The following C10orf90 variants were observed in gnomAD, a reference collection of about 807,000 sequenced individuals.
C10orf90 encodes chromosome 10 open reading frame 90.
In C10orf90, 56 loss-of-function variants were observed where a neutral mutation model predicts 62.5. The ratio of observed to expected loss-of-function variants is 0.90; its 90% CI spans 0.72 to 1.12. The LOEUF is 1.12. Ranked by LOEUF, C10orf90 falls within the 50% of genes most tolerant of loss-of-function variation. The pLI is 0.00. For synonymous variants in C10orf90, 386 were observed against 340.4 expected (o/e 1.13, Z -1.47); for missense variants, 970 against 880.4 (o/e 1.10, Z -1.29).
chr10:126,513,949 A>G lies in C10orf90; in HGVS notation c.314-10T>C. 1 of 1,585,446 alleles carries G rather than the reference A, an allele frequency of 6.3e-7. No homozygotes were observed. The highest frequency in any genetic ancestry group is 2.2e-5 in the East Asian group (1 of 44,678). On this transcript the variant is annotated splice_polypyrimidine_tract_variant and intron_variant, in intron 2 of 9. Transcript: ENST00000488181. ...TAGCTGTCCCGTAATCCTAGGCAAA[A>G]GAAGATAATATTGCTACTTTTTAGT...
intron 1 of C10orf90, among the ~76,000 whole-genome samples, chr10:126,646,912 C>A (rs1003161612): frequency 6.6e-6 from 1 of 152,162 alleles, no homozygotes; most frequent in South Asian, 2.1e-4. Context: ...ATTGATTTTG[C>A]CGTGGATTTG....
chr10:126,578,450 C>T (rs751312604), intron 2 of C10orf90, among the ~76,000 whole-genome samples: 38 of 152,156 alleles, frequency 2.5e-4, no homozygotes, highest in Non-Finnish European at 4.4e-4. Context: ...ACACACCCAT[C>T]AGGATGGCTA....
intron 7 of C10orf90, among the ~76,000 whole-genome samples, chr10:126,432,528 A>C (rs1043422290): frequency 2.0e-5 from 3 of 152,222 alleles, no homozygotes; most frequent in Non-Finnish European, 4.4e-5. Context: ...AAATGCCACC[A>C]TGTGTCAAAG....
intron 2 of C10orf90, among the ~76,000 whole-genome samples, chr10:126,562,360 C>T (rs1018003595): frequency 6.6e-6 from 1 of 152,190 alleles, no homozygotes. Flanking sequence ...ACATCCACAA[C>T]CAACACTCTG....
At chr10:126,496,661 T>C (rs1003456270) in intron 4 of C10orf90, 1 of 985,282 alleles carries the variant, frequency 1.0e-6, no homozygotes. Context: ...AACCTACCTC[T>C]TGGCGGTGAG....
chr10:126,578,354 T>C (rs1399833498), intron 2 of C10orf90, among the ~76,000 whole-genome samples: 2 of 152,190 alleles, frequency 1.3e-5, no homozygotes, highest in Admixed American at 1.3e-4. Context: ...AAGGAAATAT[T>C]CTAATAGCTT....
At position 126,548,782 on chromosome 10, in the gene C10orf90, G is replaced by A. The variant is rs546259824; in HGVS notation, c.314-34843C>T. ...TTTTGAGACGGAGTCTCACTCTGTC[G>A]CCCAGGCTGGAGTGCTGTGTGGTGC... On this transcript the variant is annotated intron_variant, in intron 2 of 9. Transcript: ENST00000488181. Among the ~76,000 whole-genome samples, 8 of 143,578 alleles carry A rather than the reference G, an allele frequency of 5.6e-5. No homozygotes were observed. The South Asian group carries it at 6.6e-4, about 12-fold the overall frequency. 94.2% of individuals were successfully genotyped at this position (143,578 alleles called of 152,430 possible).
chr10:126,540,781 G>A (rs1434501886), intron 2 of C10orf90, among the ~76,000 whole-genome samples: 1 of 152,056 alleles, frequency 6.6e-6, no homozygotes, highest in East Asian at 1.9e-4. Context: ...AAAACAGTGT[G>A]GTCTCAGCAC....
At chr10:126,468,089 T>G (rs1011030089) in intron 4 of C10orf90, among the ~76,000 whole-genome samples, 1 of 152,092 alleles carries the variant, frequency 6.6e-6, no homozygotes, top group African/African-American at 2.4e-5. Context: ...CTTTTTTTTT[T>G]TTTTTGACAG....
chr10:126,594,508 T>C (rs1007789187), intron 2 of C10orf90, among the ~76,000 whole-genome samples: 2 of 152,162 alleles, frequency 1.3e-5, no homozygotes, highest in Non-Finnish European at 2.9e-5. Context: ...CTGTTCTAGA[T>C]GCTACATCCA....
intron 7 of C10orf90, among the ~76,000 whole-genome samples, chr10:126,451,309 C>G (rs918248958): frequency 2.0e-5 from 3 of 152,036 alleles, no homozygotes; most frequent in Non-Finnish European, 4.4e-5. Context: ...ATAGAATGAC[C>G]AATCCTACTG....
At chr10:126,537,245 T>C (rs1442590756) in intron 2 of C10orf90, among the ~76,000 whole-genome samples, 1 of 152,222 alleles carries the variant, frequency 6.6e-6, no homozygotes, top group African/African-American at 2.4e-5. Context: ...ATGTGACTGA[T>C]GACACATATA....
At chr10:126,642,908 T>G (rs1434623285) in intron 2 of C10orf90, among the ~76,000 whole-genome samples, 2 of 152,298 alleles carry the variant, frequency 1.3e-5, no homozygotes, top group Middle Eastern at 3.4e-3. Context: ...GTTCCCTACC[T>G]TATGAATGAC....
intron 7 of C10orf90, 150 bp downstream of exon 7, chr10:126,458,890 T>C: frequency 1.2e-6 from 1 of 833,746 alleles, no homozygotes; most frequent in Non-Finnish European, 1.8e-6. Context: ...ACAGGATTTA[T>C]GATGCTGAGG....
intron 8 of C10orf90, among the ~76,000 whole-genome samples, 155 bp downstream of exon 8, chr10:126,429,632 C>T (rs3812675): frequency 0.028 from 4,284 of 152,238 alleles, 323 homozygotes; most frequent in East Asian, 0.27. Context: ...AACTACCGTA[C>T]TTATTTTAGC....
At chr10:126,646,858 G>GA (rs1846182290) in intron 1 of C10orf90, among the ~76,000 whole-genome samples, 1 of 152,130 alleles carries the variant, frequency 6.6e-6, no homozygotes, top group African/African-American at 2.4e-5. Context: ...AAATGCACAG[G>GA]AAAAGAGGGA....
At chr10:126,444,938 C>G (rs1858650049) in intron 7 of C10orf90, among the ~76,000 whole-genome samples, 1 of 152,026 alleles carries the variant, frequency 6.6e-6, no homozygotes, top group African/African-American at 2.4e-5. Context: ...CCTTTTTCAA[C>G]AAATGGTGCT....
chr10:126,635,087 T>C (rs1845923585), intron 2 of C10orf90, among the ~76,000 whole-genome samples: 1 of 152,088 alleles, frequency 6.6e-6, no homozygotes, highest in Admixed American at 6.6e-5. Flanking sequence ...GTTTCCCAAG[T>C]CTCATAAAAA....
intron 2 of C10orf90, among the ~76,000 whole-genome samples, chr10:126,565,556 G>A (rs1453882721): frequency 1.3e-5 from 2 of 149,164 alleles, no homozygotes; most frequent in Admixed American, 1.4e-4. Flanking sequence ...TTCATTATTA[G>A]CATCTGGAAA....
Sources: allele counts gnomAD v4.1 joint callset (sites outside exome capture counted in the v4.1 genomes callset), GRCh38; gene constraint gnomAD v4.1.1; transcripts MANE v1.5; gene names NCBI Gene and HGNC (gene_info 2026-07-23, HGNC 2026-07-21).